PDCD11: variants seen among roughly 807,000 people sequenced by gnomAD.
PDCD11 encodes the protein programmed cell death 11.
Under a neutral mutation model 198.9 loss-of-function variants are expected in PDCD11, and 97 were observed. The observed-to-expected ratio is 0.49, with a 90% CI of 0.41 to 0.58. The LOEUF is 0.58. PDCD11 is among the 20% of genes least tolerant of loss of function. The pLI, the probability that PDCD11 is intolerant of heterozygous loss-of-function variation, is 0.00. For missense variants in PDCD11, 2,102 were observed against 2,312.7 expected (o/e 0.91, Z 1.87); for synonymous variants, 893 against 918.0 (o/e 0.97, Z 0.49).
chr10:103,416,236 A>G (rs2031101369), intron 12 of PDCD11, among the ~76,000 whole-genome samples: 1 of 152,204 alleles, frequency 6.6e-6, no homozygotes, highest in African/African-American at 2.4e-5. Flanking sequence ...GATGTAAGAT[A>G]ATTAATGTTG....
At chr10:103,408,768 G>T (rs1320226118) in intron 7 of PDCD11, among the ~76,000 whole-genome samples, 1 of 152,088 alleles carries the variant, frequency 6.6e-6, no homozygotes, top group East Asian at 1.9e-4. Flanking sequence ...TCAAACTCCT[G>T]AGCTCAGGTG....
Position 103,439,876 on chromosome 10 carries a change from C to A in PDCD11, c.4148+8C>A, listed in dbSNP as rs1478427055. The A allele has an allele frequency of 1.9e-6, 3 of 1,613,948 alleles. No homozygotes were observed. The highest frequency in any genetic ancestry group is 1.1e-5 in the South Asian group (1 of 91,086). On this transcript the variant is annotated splice_region_variant and intron_variant, in intron 28 of 35. Coordinates refer to ENST00000369797, the MANE Select transcript of PDCD11 (RefSeq NM_014976.2). ...CACAGCCAGGGTCCTACGGTAGGTG[C>A]CTTCCCGTTCTCTCTCTCTCTGTAA...
chr10:103,400,386 C>T lies in PDCD11; in HGVS notation c.103-11C>T, dbSNP rs2029953875. The T allele has an allele frequency of 6.2e-7, 1 of 1,608,016 alleles. No individual in the cohort carries two copies. Reference sequence around the variant, plus strand: ...TTTGGGTCTTTGTGGGCTCCCCCTACCCGCTTCTAGATTTCTACTGAAGAG... The same window carrying T: ...TTTGGGTCTTTGTGGGCTCCCCCTATCCGCTTCTAGATTTCTACTGAAGAG... On this transcript the variant is annotated splice_polypyrimidine_tract_variant and intron_variant, in intron 2 of 35. Transcript: ENST00000369797.
At chr10:103,413,093 A>C in intron 8 of PDCD11, 23 bp from the exon 9 acceptor site, 1 of 1,606,612 alleles carries the variant, frequency 6.2e-7, no homozygotes, top group East Asian at 2.2e-5. Context: ...CCTCCTGCTC[A>C]CCCTGCCCTT....
At chr10:103,404,576 G>A (rs1205989265) in intron 4 of PDCD11, among the ~76,000 whole-genome samples, 1 of 152,252 alleles carries the variant, frequency 6.6e-6, no homozygotes, top group East Asian at 1.9e-4. Context: ...TGGGATTACA[G>A]GCATGAGCCA....
intron 5 of PDCD11, 141 bp from the exon 6 acceptor site, chr10:103,405,844 G>T: frequency 1.2e-6 from 1 of 840,146 alleles, no homozygotes; most frequent in Non-Finnish European, 1.9e-6. Context: ...CTGTCTAGTG[G>T]GATTGTGGCT....
chr10:103,406,778 T>G lies in PDCD11; in HGVS notation c.858T>G (p.Ala286=). ...TGCTACCAGGACTGGTGGTCAAAGC[T>G]CAGGTACAGAAGGTAAGCTGTTATG... ...NNLLPGLVVK[A]QVQKVTPFGL... is the part of the protein sequence containing the mutation. The change falls in exon 7 of 36, where the codon GCT becomes GCG. Residue 286 remains alanine, a synonymous_variant. Transcript: ENST00000369797. 4 of 1,613,592 alleles carry G rather than the reference T, an allele frequency of 2.5e-6. No homozygotes were observed. Among genetic ancestry groups the G allele is most frequent in the Non-Finnish European group, 3.4e-6 (4 of 1,179,712 alleles).
chr10:103,421,855 T>A (rs1224137902), intron 17 of PDCD11, among the ~76,000 whole-genome samples: 1 of 149,908 alleles, frequency 6.7e-6, no homozygotes, highest in Non-Finnish European at 1.5e-5. Flanking sequence ...TAGTCCCAGC[T>A]ACTCGGGAGG....
At position 103,434,938 on chromosome 10, in the gene PDCD11, A is replaced by T; in HGVS notation, c.3808A>T (p.Thr1270Ser). 6.3e-7 allele frequency: 1 copy of T among 1,592,862 alleles called. No individual in the cohort carries two copies. The highest frequency in any genetic ancestry group is 8.5e-7 in the Non-Finnish European group (1 of 1,169,702). Residue 1270 changes from threonine to serine, a missense_variant, in exon 25 of 36, where the codon ACG becomes TCG. Coordinates refer to ENST00000369797, the MANE Select transcript of PDCD11 (RefSeq NM_014976.2). ...IFHMSDSYSE[T>S]PLEDFVPQKV... ...TCACATGAGTGACTCCTACTCCGAG[A>T]CGCCCCTGGAAGACTTCGTCCCCCA...
Position 103,419,299 on chromosome 10 carries a change from C to A in PDCD11, c.2107-239C>A, listed in dbSNP as rs113969442. Among the ~76,000 whole-genome samples the A allele has an allele frequency of 3.8e-3, 582 of 152,072 alleles. 2 individuals are homozygous for A. The highest frequency in any genetic ancestry group is 0.013 in the African/African-American group (555 of 41,480). ...TTCTCAGCTGTAGTGTGCAGTTGGGCCATGCAGATGGCTGGGCCACACCAA... is the reference window on the plus strand; with the variant it reads ...TTCTCAGCTGTAGTGTGCAGTTGGGACATGCAGATGGCTGGGCCACACCAA... On this transcript the variant is annotated intron_variant, in intron 15 of 35. Coordinates refer to ENST00000369797, the MANE Select transcript of PDCD11 (RefSeq NM_014976.2).
chr10:103,426,750 C>G (rs2031710095), intron 20 of PDCD11, among the ~76,000 whole-genome samples: 1 of 150,738 alleles, frequency 6.6e-6, no homozygotes, highest in Non-Finnish European at 1.5e-5. Flanking sequence ...TGTGCCATTG[C>G]ACTCTAGCCT....
At chr10:103,428,442 A>G (rs1325600683) in intron 21 of PDCD11, among the ~76,000 whole-genome samples, 4 of 130,116 alleles carry the variant, frequency 3.1e-5, no homozygotes, top group African/African-American at 1.0e-4. Flanking sequence ...TTACATTCCT[A>G]TTTGTTAACT....
chr10:103,406,676 T>A lies in PDCD11; in HGVS notation c.756T>A (p.Val252=), dbSNP rs2030471823. The change falls in exon 7 of 36, where the codon GTT becomes GTA. Residue 252 remains valine, a synonymous_variant. Transcript: ENST00000369797. ...IVEKVKGNGG[V]VSLSVGHSEV... ...AAAAGGTGAAAGGCAACGGAGGAGTTGTTAGTCTGTCTGTTGGTCACTCAG... is the reference window on the plus strand; with the variant it reads ...AAAAGGTGAAAGGCAACGGAGGAGTAGTTAGTCTGTCTGTTGGTCACTCAG... 1 of 1,614,146 alleles carries A rather than the reference T, an allele frequency of 6.2e-7. No individual in the cohort carries two copies. Among genetic ancestry groups the A allele is most frequent in the South Asian group, 1.1e-5 (1 of 91,086 alleles).
Position 103,444,673 on chromosome 10 carries a change from AG to A in PDCD11, c.5437del (p.Asp1813ThrfsTer12). ...IDMTIKHGSQ[K>X]DVRDIFERVI... ...ATGACCATCAAGCACGGCAGCCAGA[AG>A]GACGTCCGGTGAGTGGGGCAGCTGG... On this transcript the variant is annotated frameshift_variant, in exon 35 of 36. Coordinates refer to ENST00000369797, the MANE Select transcript of PDCD11 (RefSeq NM_014976.2). LOFTEE classifies it high-confidence loss of function. 6.2e-7 allele frequency: 1 copy of A among 1,613,706 alleles called. No individual in the cohort carries two copies.
At chr10:103,411,092 A>AAAT (rs1491239154) in intron 8 of PDCD11, among the ~76,000 whole-genome samples, 10 of 151,474 alleles carry the variant, frequency 6.6e-5, no homozygotes, top group Non-Finnish European at 1.2e-4. Context: ...AAAAAAAAAA[A>AAAT]AATTTTTACA....
chr10:103,443,647 A>G (rs112612349), intron 33 of PDCD11, among the ~76,000 whole-genome samples: 36 of 151,700 alleles, frequency 2.4e-4, no homozygotes, highest in African/African-American at 8.5e-4. Context: ...CGTCTCTCCT[A>G]CTCCCCCTTG....
chr10:103,443,192 G>C lies in PDCD11; in HGVS notation c.4983G>C (p.Trp1661Cys), dbSNP rs2032462177. 9 of 1,602,074 alleles carry C rather than the reference G, an allele frequency of 5.6e-6. No individual in the cohort carries two copies. Among genetic ancestry groups the C allele is most frequent in the Non-Finnish European group, 7.7e-6 (9 of 1,171,584 alleles). Reference sequence around the variant, plus strand: ...AGGAGCAGGAGAAGCTGAACGTGTGGGTGGCTCTGCTGAACCTGGAGAACA... The same window carrying C: ...AGGAGCAGGAGAAGCTGAACGTGTGCGTGGCTCTGCTGAACCTGGAGAACA... ...FREEQEKLNV[W>C]VALLNLENMY... The change falls in exon 33 of 36, where the codon TGG (tryptophan) becomes TGC (cysteine). Residue 1661 changes from tryptophan (W) to cysteine (C), a missense_variant. Physicochemically the swap from Trp to Cys is radical, Grantham distance 215 (BLOSUM62 -2). Transcript: ENST00000369797.
Position 103,444,531 on chromosome 10 carries a change from GCCAAGTTTGC to G in PDCD11, c.5297_5306del (p.Lys1766SerfsTer20). ...TCTCCCTGCAGATGTGGATGTCATT[GCCAAGTTTGC>G]CCAGCTTGAGTTTCAGCTGGGGGAT... On this transcript the variant is annotated frameshift_variant, in exon 35 of 36. Transcript: ENST00000369797. LOFTEE classifies it high-confidence loss of function. 2 of 1,614,136 alleles carry G rather than the reference GCCAAGTTTGC, an allele frequency of 1.2e-6. No homozygotes were observed. The highest frequency in any genetic ancestry group is 1.7e-6 in the Non-Finnish European group (2 of 1,180,004).
chr10:103,403,527 T>A (rs1455382939), intron 4 of PDCD11, among the ~76,000 whole-genome samples: 3 of 152,114 alleles, frequency 2.0e-5, no homozygotes, highest in Non-Finnish European at 4.4e-5. Context: ...AGAAGCAATG[T>A]AATATATAAC....
Sources: allele counts gnomAD v4.1 joint callset (sites outside exome capture counted in the v4.1 genomes callset), GRCh38; gene constraint gnomAD v4.1.1; transcripts MANE v1.5; gene names NCBI Gene and HGNC (gene_info 2026-07-23, HGNC 2026-07-21).